NTNG2: variants seen among roughly 807,000 people sequenced by gnomAD.
NTNG2 encodes the protein netrin-G2.
In NTNG2, 15 loss-of-function variants were observed where a neutral mutation model predicts 47.6. The observed-to-expected ratio is 0.32, with a 90% CI of 0.21 to 0.49. NTNG2 has a LOEUF of 0.49. Ranked by LOEUF, NTNG2 falls within the 20% of genes least tolerant of loss-of-function variation. The pLI is 0.99. For missense variants in NTNG2, 578 were observed against 764.6 expected (o/e 0.76, Z 2.88); for synonymous variants, 307 against 324.6 (o/e 0.95, Z 0.58).
chr9:132,229,477 C>G (rs1429909706), intron 4 of NTNG2, among the ~76,000 whole-genome samples: 1 of 152,176 alleles, frequency 6.6e-6, no homozygotes, highest in Non-Finnish European at 1.5e-5. Flanking sequence ...CCTCACCACT[C>G]TGCCCCCACC....
At chr9:132,187,569 AAGAGAGAGAGAGAGAG>A (rs66498690) in intron 2 of NTNG2, among the ~76,000 whole-genome samples, 1 of 138,946 alleles carries the variant, frequency 7.2e-6, no homozygotes, top group Admixed American at 7.2e-5. Flanking sequence ...GAGAGGGAGC[AAGAGAGAGAGAGAGAG>A]AGAGAGAGAG....
intron 2 of NTNG2, among the ~76,000 whole-genome samples, chr9:132,167,803 G>A (rs976259570): frequency 1.3e-5 from 2 of 152,192 alleles, no homozygotes; most frequent in African/African-American, 2.4e-5. Flanking sequence ...GGTTGCGTGC[G>A]AGCTGTCTGA....
At chr9:132,176,124 G>A (rs921870912) in intron 2 of NTNG2, among the ~76,000 whole-genome samples, 2 of 152,094 alleles carry the variant, frequency 1.3e-5, no homozygotes, top group Non-Finnish European at 2.9e-5. Context: ...CGAGGCAGGA[G>A]GATCACTTGA....
At chr9:132,202,395 G>A (rs1838833935) in intron 3 of NTNG2, among the ~76,000 whole-genome samples, 2 of 152,152 alleles carry the variant, frequency 1.3e-5, no homozygotes, top group Admixed American at 6.5e-5. Flanking sequence ...CTGAGCTGCA[G>A]CCCCACAGGG....
chr9:132,211,668 AG>A (rs1241352991), intron 3 of NTNG2, among the ~76,000 whole-genome samples: 1 of 152,152 alleles, frequency 6.6e-6, no homozygotes, highest in Non-Finnish European at 1.5e-5. Context: ...GACTTGGCTC[AG>A]AGAGCACCTC....
chr9:132,190,261 A>G (rs1208084130), intron 2 of NTNG2, among the ~76,000 whole-genome samples: 2 of 144,414 alleles, frequency 1.4e-5, no homozygotes, highest in Non-Finnish European at 3.0e-5. Flanking sequence ...AAAAAAAAAA[A>G]GAAGGTTTTA....
chr9:132,168,559 G>A (rs576540479), intron 2 of NTNG2, among the ~76,000 whole-genome samples: 1 of 152,292 alleles, frequency 6.6e-6, no homozygotes, highest in East Asian at 1.9e-4. Flanking sequence ...GAGAGAGAGG[G>A]AGGGAGAGAG....
At chr9:132,164,918 G>A (rs1835399217) in intron 1 of NTNG2, among the ~76,000 whole-genome samples, 1 of 152,232 alleles carries the variant, frequency 6.6e-6, no homozygotes, top group African/African-American at 2.4e-5. Flanking sequence ...CCGCCACTTC[G>A]GTTTGTCATT....
chr9:132,178,328 C>T (rs556350462), intron 2 of NTNG2, among the ~76,000 whole-genome samples: 2 of 152,308 alleles, frequency 1.3e-5, no homozygotes, highest in South Asian at 2.1e-4. Context: ...AGTCCACCTC[C>T]GTCCCTCTCC....
At chr9:132,176,379 G>A (rs548937257) in intron 2 of NTNG2, among the ~76,000 whole-genome samples, 10 of 152,042 alleles carry the variant, frequency 6.6e-5, no homozygotes, top group African/African-American at 1.9e-4. Flanking sequence ...AAAACCACGC[G>A]TCTACTTTTT....
intron 7 of NTNG2, among the ~76,000 whole-genome samples, 190 bp from the exon 8 acceptor site, chr9:132,241,686 G>A (rs1181254106): frequency 1.3e-5 from 2 of 152,146 alleles, no homozygotes; most frequent in Non-Finnish European, 1.5e-5. Flanking sequence ...GGAGGCAGCC[G>A]GGGGCCAGAT....
Position 132,239,195 on chromosome 9 carries a change from T to TCAGCACGGC in NTNG2, c.1152_1153insGGCCAGCAC (p.Gly382_His384dup). On this transcript the variant is annotated inframe_insertion, in exon 6 of 8. Transcript: ENST00000393229. The stretch of plus-strand genomic sequence containing the variant: ...TCAGCTGCAAGCACAACACGCGAGG[T>TCAGCACGGC]CAGCACTGCCAGCACTGCCGGCTGG... The TCAGCACGGC allele has an allele frequency of 2.5e-6, 4 of 1,613,782 alleles. No individual in the cohort carries two copies. Among genetic ancestry groups the TCAGCACGGC allele is most frequent in the Non-Finnish European group, 3.4e-6 (4 of 1,180,020 alleles).
chr9:132,194,828 C>G (rs879744533), intron 2 of NTNG2, among the ~76,000 whole-genome samples: 1 of 152,254 alleles, frequency 6.6e-6, no homozygotes, highest in South Asian at 2.1e-4. Context: ...GGGGACCTGT[C>G]CTTCACCCTA....
At chr9:132,196,377 G>A (rs968466754) in intron 2 of NTNG2, among the ~76,000 whole-genome samples, 1 of 152,046 alleles carries the variant, frequency 6.6e-6, no homozygotes, top group Non-Finnish European at 1.5e-5. Flanking sequence ...ATTTTTAGTA[G>A]AGACGGGGTT....
chr9:132,240,942 G>T lies in NTNG2; in HGVS notation c.1255G>T (p.Asp419Tyr), dbSNP rs759744268. 5.0e-6 allele frequency: 8 copies of T among 1,612,596 alleles called. No individual in the cohort carries two copies. The Admixed American group carries it at 1.2e-4, about 24-fold the overall frequency. The part of the protein sequence containing the change: ...CNCNQIGSVH[D>Y]RCNETGFCEC... ...CTGCAACCAGATAGGCTCCGTGCAC[G>T]ACCGGTGCAACGAGACCGGCTTCTG... The change falls in exon 7 of 8, where the codon GAC (aspartate) becomes TAC (tyrosine). Residue 419 changes from aspartate to tyrosine, a missense_variant. By Grantham distance (160) the Asp-to-Tyr change is radical. Transcript: ENST00000393229.
chr9:132,176,974 T>A (rs577411915), intron 2 of NTNG2, among the ~76,000 whole-genome samples: 2 of 152,300 alleles, frequency 1.3e-5, no homozygotes, highest in South Asian at 2.1e-4. Context: ...TTCTTAGTCA[T>A]TTTTTTGTTT....
chr9:132,187,607 A>C (rs1837502033), intron 2 of NTNG2, among the ~76,000 whole-genome samples: 2 of 141,426 alleles, frequency 1.4e-5, no homozygotes, highest in African/African-American at 2.5e-5. Context: ...GGGACAGAAA[A>C]CAAGAGGGAG....
chr9:132,230,410 C>T (rs114007101), intron 4 of NTNG2, among the ~76,000 whole-genome samples, 162 bp from the exon 5 acceptor site: 1,991 of 152,302 alleles, frequency 0.013, 48 homozygotes, highest in African/African-American at 0.045. Context: ...TCCCCACACC[C>T]TGCAGGTCAT....
rs552950809 is a variant in NTNG2 at position 132,236,023 on chromosome 9, G to A, written c.1055-3081G>A. Among the ~76,000 whole-genome samples the A allele has an allele frequency of 2.0e-5, 3 of 152,338 alleles. No individual in the cohort carries two copies. Among genetic ancestry groups the A allele is most frequent in the African/African-American group, 2.4e-5 (1 of 41,568 alleles). ...AAGCCCTTCCACCAGCACTCCCTCC[G>A]AGGGCTTCGGAGTCTGGTAGAGGCC... On this transcript the variant is annotated intron_variant, in intron 5 of 7. Coordinates refer to ENST00000393229, the MANE Select transcript of NTNG2 (RefSeq NM_032536.4). This position sits in a 1 kb window ranked among gnomAD's most constrained non-coding sequence, Gnocchi z 4.3.
Sources: allele counts gnomAD v4.1 joint callset (sites outside exome capture counted in the v4.1 genomes callset), GRCh38; gene constraint gnomAD v4.1.1; non-coding constraint Gnocchi (gnomAD v3.1); transcripts MANE v1.5; gene names NCBI Gene and HGNC (gene_info 2026-07-23, HGNC 2026-07-21).